PLEKHG1: variants seen among roughly 807,000 people sequenced by gnomAD.
PLEKHG1 encodes pleckstrin homology and RhoGEF domain containing G1.
PLEKHG1 carries 44 observed loss-of-function variants against 100.8 expected under a neutral mutation model. That is an observed-to-expected ratio of 0.44 (90% CI 0.34 to 0.56). The LOEUF is 0.56. PLEKHG1 is among the 20% of genes least tolerant of loss of function. The pLI, the probability that PLEKHG1 is intolerant of heterozygous loss-of-function variation, is 0.01. For synonymous variants in PLEKHG1, 640 were observed against 662.5 expected (o/e 0.97, Z 0.52); for missense variants, 1,545 against 1,720.9 (o/e 0.90, Z 1.81).
intron 1 of PLEKHG1, among the ~76,000 whole-genome samples, chr6:150,729,453 A>G (rs1291324475): frequency 3.9e-5 from 6 of 152,188 alleles, no homozygotes; most frequent in South Asian, 2.1e-4. Flanking sequence ...ATAATTGGTG[A>G]GTTGCATTAG....
intron 3 of PLEKHG1, among the ~76,000 whole-genome samples, chr6:150,679,236 A>G (rs1445924497): frequency 6.6e-6 from 1 of 152,222 alleles, no homozygotes; most frequent in Non-Finnish European, 1.5e-5. Context: ...GTTCTTAATA[A>G]TAGCTTTTAA....
chr6:150,801,343 C>A (rs2128663516), intron 6 of PLEKHG1, among the ~76,000 whole-genome samples: 2 of 152,196 alleles, frequency 1.3e-5, no homozygotes, highest in South Asian at 4.1e-4. Context: ...TCAGTTATCT[C>A]CTCTTATATT....
At chr6:150,773,499 A>C (rs1312019149) in intron 3 of PLEKHG1, among the ~76,000 whole-genome samples, 5 of 152,248 alleles carry the variant, frequency 3.3e-5, no homozygotes, top group Non-Finnish European at 7.3e-5. Context: ...TTGCCACTGC[A>C]CTTCAGCCTC....
intron 3 of PLEKHG1, among the ~76,000 whole-genome samples, chr6:150,778,968 G>C (rs946616397): frequency 6.6e-6 from 1 of 152,204 alleles, no homozygotes; most frequent in South Asian, 2.1e-4. Flanking sequence ...CCTCAGCTTT[G>C]AGTGGAACAG....
intron 2 of PLEKHG1, among the ~76,000 whole-genome samples, chr6:150,754,948 G>T (rs1783744581): frequency 6.6e-6 from 1 of 152,030 alleles, no homozygotes; most frequent in Non-Finnish European, 1.5e-5. Flanking sequence ...GAGATTACAG[G>T]CATGAGCCAC....
rs574767984 is a variant in PLEKHG1, at chr6:150,752,043, G to A, written c.412-16595G>A. ...GTCTCTACTAAAAATACAGAAAGCC[G>A]GGCATGGTGGAAGGCACCAGTAATC... is the stretch of plus-strand genomic sequence containing the variant. On this transcript the variant is annotated intron_variant, in intron 2 of 15. Coordinates refer to ENST00000358517, the Ensembl canonical transcript of PLEKHG1. 3.0e-4 allele frequency among the ~76,000 whole-genome samples: 46 copies of A among 152,094 alleles called. 1 individual carries two copies. The highest frequency in any genetic ancestry group is 9.4e-4 in the African/African-American group (39 of 41,502).
At chr6:150,810,625 A>C (rs973793161) in intron 10 of PLEKHG1, among the ~76,000 whole-genome samples, 1 of 152,032 alleles carries the variant, frequency 6.6e-6, no homozygotes, top group African/African-American at 2.4e-5. Flanking sequence ...TAACATCAAA[A>C]AGACTCACAT....
At chr6:150,836,334 C>T (rs144156819) in intron 15 of PLEKHG1, among the ~76,000 whole-genome samples, 269 of 152,052 alleles carry the variant, frequency 1.8e-3, no homozygotes, top group African/African-American at 6.0e-3. Context: ...GCCGAGATTG[C>T]GCCACTGCAT....
intron 14 of PLEKHG1, among the ~76,000 whole-genome samples, chr6:150,827,460 A>AGAGAC (rs1365521920): frequency 1.3e-5 from 2 of 151,706 alleles, no homozygotes; most frequent in African/African-American, 4.8e-5. Flanking sequence ...TATTTATAGT[A>AGAGAC]GAGACGGGTT....
At chr6:150,690,904 C>T (rs1227611680) in intron 3 of PLEKHG1, among the ~76,000 whole-genome samples, 1 of 152,220 alleles carries the variant, frequency 6.6e-6, no homozygotes, top group Non-Finnish European at 1.5e-5. Context: ...CTCCTGTGAA[C>T]ACTGGAATGT....
rs536158946 is a variant in PLEKHG1, at chr6:150,841,504, G to A, written c.*608G>A. ...TGACTGTTGAAAATTAAAATGTAGC[G>A]GGACCCATTTTCTGTACGCAGAACC... On this transcript the variant is annotated 3_prime_UTR_variant, in exon 16 of 16. Coordinates refer to ENST00000358517, the Ensembl canonical transcript of PLEKHG1. 15 of 157,272 alleles carry A rather than the reference G, an allele frequency of 9.5e-5. No homozygotes were observed. The East Asian group carries it at 1.5e-3, about 16-fold the overall frequency. 9.7% of individuals were successfully genotyped at this position (157,272 alleles called of 1,614,324 possible). A position where few individuals can be genotyped will look rare whatever the true frequency, so the allele number is the denominator to read the frequency against.
intron 2 of PLEKHG1, among the ~76,000 whole-genome samples, chr6:150,761,099 CTTTTTT>C (rs35068801): frequency 1.7e-4 from 16 of 95,908 alleles, no homozygotes; most frequent in South Asian, 1.5e-3. Flanking sequence ...TTCTTTTTTT[CTTTTTT>C]TTTTTTTTTT....
chr6:150,661,556 C>T (rs1034810877), intron 3 of PLEKHG1, among the ~76,000 whole-genome samples: 1 of 152,208 alleles, frequency 6.6e-6, no homozygotes, highest in Non-Finnish European at 1.5e-5. Context: ...CAGTTAGGGC[C>T]ATCTGGGGGC....
intron 2 of PLEKHG1, among the ~76,000 whole-genome samples, chr6:150,756,521 C>A (rs3734412): frequency 4.6e-5 from 7 of 152,136 alleles, no homozygotes; most frequent in Non-Finnish European, 1.0e-4. Flanking sequence ...CTTGACAAAC[C>A]GCCCATAAAG....
At chr6:150,762,201 CTT>C (rs112324631) in intron 2 of PLEKHG1, among the ~76,000 whole-genome samples, 117 of 144,364 alleles carry the variant, frequency 8.1e-4, no homozygotes, top group Non-Finnish European at 1.6e-3. Context: ...CTCTCTTTTT[CTT>C]TTTTTTTTTT....
chr6:150,716,021 T>C (rs1429539808), intron 3 of PLEKHG1, among the ~76,000 whole-genome samples: 7 of 146,238 alleles, frequency 4.8e-5, no homozygotes, highest in Non-Finnish European at 1.0e-4. Flanking sequence ...GGCAGGAGAA[T>C]GGCGTGAACC....
chr6:150,718,757 C>T (rs950932748), upstream of PLEKHG1, among the ~76,000 whole-genome samples: 5 of 152,136 alleles, frequency 3.3e-5, no homozygotes, highest in East Asian at 5.8e-4. Flanking sequence ...CGTAAGCCAC[C>T]GCGCCTGGCC....
At chr6:150,835,959 A>T (rs547025368) in intron 15 of PLEKHG1, among the ~76,000 whole-genome samples, 1 of 152,248 alleles carries the variant, frequency 6.6e-6, no homozygotes, top group African/African-American at 2.4e-5. Context: ...TGAGTTATCT[A>T]TAGGAAGCAT....
intron 3 of PLEKHG1, among the ~76,000 whole-genome samples, chr6:150,658,691 A>G (rs1779065957): frequency 6.6e-6 from 1 of 152,120 alleles, no homozygotes. Context: ...AAATGAAGGG[A>G]TTTTAGTACA....
Sources: allele counts gnomAD v4.1 joint callset (sites outside exome capture counted in the v4.1 genomes callset), GRCh38; gene constraint gnomAD v4.1.1; transcripts MANE v1.5; gene names NCBI Gene and HGNC (gene_info 2026-07-23, HGNC 2026-07-21).